Variants in FREM2 observed in about 807,000 individuals in gnomAD.
FREM2 encodes the protein FRAS1-related extracellular matrix protein 2.
Under a neutral mutation model 219.9 loss-of-function variants are expected in FREM2, and 119 were observed. The observed-to-expected ratio is 0.54, with a 90% CI of 0.47 to 0.63. The LOEUF (loss-of-function observed/expected upper bound fraction) is 0.63. FREM2 is among the 30% of genes least tolerant of loss of function. The pLI, the probability that FREM2 is intolerant of heterozygous loss-of-function variation, is 0.00. For synonymous variants in FREM2, 1,562 were observed against 1,522.8 expected, an observed-to-expected ratio of 1.03 and a Z score of -0.60; for missense variants, 4,030 against 3,993.6, an observed-to-expected ratio of 1.01 and a Z score of -0.25.
intron 15 of FREM2, 70 bp downstream of exon 15, chr13:38,861,632 A>G (rs1877767191): frequency 7.2e-6 from 11 of 1,531,824 alleles, no homozygotes; most frequent in Admixed American, 1.7e-5. Context: ...ATTTTCCTTC[A>G]TCTTCTAAAT....
intron 2 of FREM2, among the ~76,000 whole-genome samples, chr13:38,714,339 G>A (rs369493092): frequency 2.0e-5 from 3 of 152,182 alleles, no homozygotes; most frequent in East Asian, 3.9e-4. Flanking sequence ...AACATCAAAA[G>A]TATAGACATC....
chr13:38,759,214 G>A (rs1215209843), intron 2 of FREM2, among the ~76,000 whole-genome samples: 2 of 151,936 alleles, frequency 1.3e-5, no homozygotes, highest in Admixed American at 6.6e-5. Flanking sequence ...ACTTTATTCT[G>A]GGCAAATGAG....
chr13:38,773,033 G>A (rs1593398142), intron 4 of FREM2, among the ~76,000 whole-genome samples: 1 of 152,086 alleles, frequency 6.6e-6, no homozygotes, highest in South Asian at 2.1e-4. Context: ...ACATATACAT[G>A]TATTGGCTTC....
chr13:38,745,133 AC>A (rs1336750599), intron 2 of FREM2, among the ~76,000 whole-genome samples: 2 of 152,224 alleles, frequency 1.3e-5, no homozygotes, highest in African/African-American at 4.8e-5. Context: ...ACTGTAAGGA[AC>A]ACATAAGTAG....
rs1387647025 is a variant in FREM2, at chr13:38,884,715, G to A, written c.*3928G>A. 6.6e-6 allele frequency: 1 copy of A among 152,046 alleles called. No individual in the cohort carries two copies. The highest frequency in any genetic ancestry group is 2.4e-5 in the African/African-American group (1 of 41,404). The allele number at this position is 152,046 out of a possible 1,614,324, so 9.4% of individuals were successfully genotyped here. Reference sequence around the variant, plus strand: ...ACGTTCAATCTGTTCAGTTTACCAAGGTTCAGAAATACGTAATTTAGCAGG... The same window carrying A: ...ACGTTCAATCTGTTCAGTTTACCAAAGTTCAGAAATACGTAATTTAGCAGG... On this transcript the variant is annotated 3_prime_UTR_variant, in exon 24 of 24. Transcript: ENST00000280481.
intron 2 of FREM2, among the ~76,000 whole-genome samples, chr13:38,754,879 TGATGATG>T (rs1566129613): frequency 4.8e-5 from 4 of 83,634 alleles, no homozygotes; most frequent in Non-Finnish European, 1.0e-4. Context: ...ATGATGATGA[TGATGATG>T]ATGATGATGA....
intron 6 of FREM2, among the ~76,000 whole-genome samples, chr13:38,790,023 G>A (rs1300740694): frequency 6.6e-6 from 1 of 152,040 alleles, no homozygotes; most frequent in Admixed American, 6.6e-5. Context: ...TAAACCCTGA[G>A]AGTAGTTTTG....
chr13:38,859,223 GGGA>G, intron 13 of FREM2, 61 bp from the exon 14 acceptor site: 1 of 1,511,224 alleles, frequency 6.6e-7, no homozygotes, highest in Non-Finnish European at 9.2e-7. Flanking sequence ...GGCAGAGAAC[GGGA>G]GAAGAATGCG....
At position 38,769,601 on chromosome 13, in the gene FREM2, G is replaced by A. The variant is rs749830746; in HGVS notation, c.5434G>A (p.Ala1812Thr). 147 of 1,614,010 alleles carry A rather than the reference G, an allele frequency of 9.1e-5. 1 individual carries two copies. In the South Asian group the frequency reaches 1.3e-3, roughly 14 times the overall value. Residue 1812 changes from alanine (A) to threonine (T), a missense_variant, in exon 4 of 24, where the codon GCA becomes ACA. Coordinates refer to ENST00000280481, the MANE Select transcript of FREM2 (RefSeq NM_207361.6). ...AGGTATTGGCACAAGAGACAGAACTGCAGAAAAAGACAAAGACTTCAAGGG... is the reference window on the plus strand; with the variant it reads ...AGGTATTGGCACAAGAGACAGAACTACAGAAAAAGACAAAGACTTCAAGGG... ...FISIGTRDRT[A>T]EKDKDFKGKA...
At chr13:38,871,863 C>T (rs1878170412) in intron 16 of FREM2, among the ~76,000 whole-genome samples, 1 of 152,018 alleles carries the variant, frequency 6.6e-6, no homozygotes, top group South Asian at 2.1e-4. Context: ...CTGCTAAACA[C>T]CAGAAGGAGG....
Position 38,878,918 on chromosome 13 carries a change from C to G in FREM2, c.8947C>G (p.Leu2983Val). The G allele has an allele frequency of 1.2e-6, 2 of 1,614,124 alleles. No homozygotes were observed. Among genetic ancestry groups the G allele is most frequent in the South Asian group, 2.2e-5 (2 of 91,080 alleles). ...AGCAGTGGATGACCCTGAAGCCATT[C>G]TCTTAGTGAATCAGCCTGGATCTGA... ...KLAVDDPEAI[L>V]LVNQPGSDGF... Residue 2983 changes from leucine to valine, a missense_variant, in exon 23 of 24, where the codon CTC becomes GTC. Leu to Val is a conservative substitution (Grantham distance 32, BLOSUM62 1). Transcript: ENST00000280481.
intron 2 of FREM2, among the ~76,000 whole-genome samples, chr13:38,757,591 C>T (rs1325668933): frequency 6.6e-6 from 1 of 150,790 alleles, no homozygotes; most frequent in Non-Finnish European, 1.5e-5. Context: ...TGCCACTCCT[C>T]TTTTTTTTTC....
intron 2 of FREM2, among the ~76,000 whole-genome samples, chr13:38,762,188 C>G (rs1325616356): frequency 6.6e-6 from 1 of 152,116 alleles, no homozygotes; most frequent in Non-Finnish European, 1.5e-5. Context: ...GTCACCCTCA[C>G]CTGACTCTCC....
chr13:38,776,062 C>T (rs1049156587), intron 4 of FREM2, among the ~76,000 whole-genome samples: 1 of 151,996 alleles, frequency 6.6e-6, no homozygotes, highest in Non-Finnish European at 1.5e-5. Flanking sequence ...TTTTCAAGAC[C>T]CTGTAAAAAT....
rs1266442617 is a variant in FREM2 at position 38,874,464 on chromosome 13, G to A, written c.8177-18G>A. ...CTGGCTACATATATTTTCATTCTTG[G>A]TACTCTCCCCATTATAGGTTCTCTC... is the stretch of plus-strand genomic sequence containing the variant. On this transcript the variant is annotated intron_variant, in intron 17 of 23. Coordinates refer to ENST00000280481, the MANE Select transcript of FREM2 (RefSeq NM_207361.6). The A allele has an allele frequency of 2.5e-6, 4 of 1,595,814 alleles. No individual in the cohort carries two copies. In the African/African-American group the frequency reaches 4.0e-5, roughly 16 times the overall value.
chr13:38,784,726 C>T lies in FREM2; in HGVS notation c.5937C>T (p.Val1979=). Residue 1979 remains valine, a synonymous_variant, in exon 6 of 24, where the codon GTC becomes GTT. Transcript: ENST00000280481. The stretch of plus-strand genomic sequence containing the variant: ...ACGAGGAGGAGGAAACCTTCCATGT[C>T]CTTCTGAGCATGCCCATGGGGGGAA... ...SLYEEEETFH[V]LLSMPMGGRI... is the part of the protein sequence containing the mutation. 1 of 1,614,086 alleles carries T rather than the reference C, an allele frequency of 6.2e-7. No homozygotes were observed.
chr13:38,773,474 C>G (rs1392490743), intron 4 of FREM2, among the ~76,000 whole-genome samples: 1 of 152,144 alleles, frequency 6.6e-6, no homozygotes, highest in Non-Finnish European at 1.5e-5. Context: ...TGCTGCATCC[C>G]CAAACTCCTG....
chr13:38,752,778 C>A (rs1813713167), intron 2 of FREM2, among the ~76,000 whole-genome samples: 2 of 152,104 alleles, frequency 1.3e-5, no homozygotes, highest in Admixed American at 6.5e-5. Context: ...TACTGTTATA[C>A]AAATAGGAAT....
chr13:38,810,257 C>T (rs1204232423), intron 6 of FREM2, among the ~76,000 whole-genome samples: 2 of 151,930 alleles, frequency 1.3e-5, no homozygotes, highest in East Asian at 3.9e-4. Context: ...ATTATATCAT[C>T]TGCAAAAAAA....
Sources: allele counts gnomAD v4.1 joint callset (sites outside exome capture counted in the v4.1 genomes callset), GRCh38; gene constraint gnomAD v4.1.1; transcripts MANE v1.5; gene names NCBI Gene and HGNC (gene_info 2026-07-23, HGNC 2026-07-21).